Variants in NRXN3 observed in about 807,000 individuals in gnomAD.
The protein encoded by NRXN3 is neurexin 3, also known as neurexin III.
In NRXN3, 32 loss-of-function variants were observed where a neutral mutation model predicts 137.6. The observed-to-expected ratio is 0.23, with a 90% CI of 0.18 to 0.31. The LOEUF (loss-of-function observed/expected upper bound fraction) is 0.31. NRXN3 is among the 10% of genes least tolerant of loss of function. The pLI is 1.00. For missense variants in NRXN3, 1,574 were observed against 2,062.5 expected (o/e 0.76, Z 4.59); for synonymous variants, 798 against 784.5 (o/e 1.02, Z -0.29).
chr14:79,628,883 C>A (rs149923100), intron 16 of NRXN3, among the ~76,000 whole-genome samples: 37 of 152,232 alleles, frequency 2.4e-4, no homozygotes, highest in African/African-American at 8.4e-4. Flanking sequence ...TAGAATGAGT[C>A]CCCCAACACT....
rs945654919 is a variant in NRXN3, at chr14:79,385,208, C to CG, written c.3263-82013_3263-82012insG. Among the ~76,000 whole-genome samples the CG allele has an allele frequency of 2.1e-5, 2 of 94,386 alleles. 1 individual carries two copies. Among genetic ancestry groups the CG allele is most frequent in the Non-Finnish European group, 5.0e-5 (2 of 40,260 alleles). 61.9% of individuals were successfully genotyped at this position (94,386 alleles called of 152,430 possible). A position where few individuals can be genotyped will look rare whatever the true frequency, so the allele number is the denominator to read the frequency against. ...TATATCTCCCAATGCTATCCTTCCC[C>CG]CCGCCCCCACCCCACCACAGTCCCC... is the stretch of plus-strand genomic sequence containing the variant. On this transcript the variant is annotated intron_variant, in intron 15 of 20. Coordinates refer to ENST00000335750, the MANE Select transcript of NRXN3 (RefSeq NM_001330195.2).
rs79575935 is a variant in NRXN3 at position 78,212,375 on chromosome 14, A to T, written c.-703-30016A>T. ...AAATCTTGCCCCCACCCTTAAATGA[A>T]ATTAATGGCTTGAGGCTTCCTCAAA... On this transcript the variant is annotated intron_variant, in intron 1 of 20. Coordinates refer to ENST00000335750, the MANE Select transcript of NRXN3 (RefSeq NM_001330195.2). 7.6e-4 allele frequency among the ~76,000 whole-genome samples: 115 copies of T among 152,028 alleles called. No homozygotes were observed. The East Asian group carries it at 0.018, about 24-fold the overall frequency.
At chr14:78,640,756 T>C (rs894997739) in intron 4 of NRXN3, among the ~76,000 whole-genome samples, 1 of 152,236 alleles carries the variant, frequency 6.6e-6, no homozygotes, top group African/African-American at 2.4e-5. Flanking sequence ...GTTTAATCAA[T>C]TGGACACTTA....
At chr14:79,163,843 T>A (rs1436082306) in intron 15 of NRXN3, among the ~76,000 whole-genome samples, 2 of 151,954 alleles carry the variant, frequency 1.3e-5, no homozygotes, top group Non-Finnish European at 2.9e-5. Context: ...TCCCATGTTA[T>A]TTATAGTACT....
intron 4 of NRXN3, among the ~76,000 whole-genome samples, chr14:78,352,799 C>T (rs2083727938): frequency 1.3e-5 from 2 of 152,226 alleles, no homozygotes; most frequent in Admixed American, 1.3e-4. Flanking sequence ...ATCAGCTGGG[C>T]AGGCCCTTGA....
Position 79,209,677 on chromosome 14 carries a change from T to A in NRXN3, c.3262+221536T>A, listed in dbSNP as rs538180914. Among the ~76,000 whole-genome samples the A allele has an allele frequency of 2.6e-5, 4 of 152,340 alleles. No homozygotes were observed. In the East Asian group the frequency reaches 7.7e-4, roughly 29 times the overall value. ...TATTGCTTGTCTCCCCATTATAACGTATGCTTCTGGGAGTCAGGAGCTCTT... is the reference window on the plus strand; with the variant it reads ...TATTGCTTGTCTCCCCATTATAACGAATGCTTCTGGGAGTCAGGAGCTCTT... On this transcript the variant is annotated intron_variant, in intron 15 of 20. Transcript: ENST00000335750.
chr14:78,291,836 A>C (rs1271249528), intron 3 of NRXN3, among the ~76,000 whole-genome samples: 4 of 152,252 alleles, frequency 2.6e-5, no homozygotes, highest in Admixed American at 2.6e-4. Flanking sequence ...TTTTTCACTG[A>C]GATAAAAGTT....
At chr14:78,313,376 A>C (rs2078198090) in intron 4 of NRXN3, among the ~76,000 whole-genome samples, 1 of 152,126 alleles carries the variant, frequency 6.6e-6, no homozygotes, top group South Asian at 2.1e-4. Context: ...CTTGCTTGAC[A>C]GTTTGTTTTG....
chr14:78,230,057 C>T (rs1463036134), intron 1 of NRXN3, among the ~76,000 whole-genome samples: 2 of 152,082 alleles, frequency 1.3e-5, no homozygotes. Flanking sequence ...CAGGGTTTCC[C>T]TCTGTCACCC....
chr14:79,630,916 T>A (rs1447342606), intron 16 of NRXN3, among the ~76,000 whole-genome samples: 1 of 152,222 alleles, frequency 6.6e-6, no homozygotes, highest in Non-Finnish European at 1.5e-5. Context: ...AGAGAGTAAG[T>A]TCTTGTTTGG....
chr14:78,295,138 T>G (rs1018538278), intron 3 of NRXN3, among the ~76,000 whole-genome samples: 2 of 152,220 alleles, frequency 1.3e-5, no homozygotes, highest in African/African-American at 4.8e-5. Context: ...CAAGAAAATG[T>G]ACTGATGTAA....
chr14:78,508,861 A>C (rs2096051023), intron 4 of NRXN3, among the ~76,000 whole-genome samples: 1 of 152,220 alleles, frequency 6.6e-6, no homozygotes, highest in South Asian at 2.1e-4. Flanking sequence ...CCACAATAAA[A>C]AAATAGATTT....
At chr14:79,619,561 T>C (rs771274491) in intron 16 of NRXN3, among the ~76,000 whole-genome samples, 5 of 152,072 alleles carry the variant, frequency 3.3e-5, no homozygotes, top group Admixed American at 6.5e-5. Context: ...ATTGTACCTA[T>C]ATTAAACACT....
intron 4 of NRXN3, among the ~76,000 whole-genome samples, chr14:78,492,752 C>A (rs568335739): frequency 2.0e-5 from 3 of 152,114 alleles, no homozygotes; most frequent in Admixed American, 2.0e-4. Context: ...AAAACTCTGA[C>A]GTGGTGTTAG....
intron 10 of NRXN3, among the ~76,000 whole-genome samples, chr14:78,848,915 T>G (rs1356281787): frequency 6.6e-6 from 1 of 152,010 alleles, no homozygotes; most frequent in African/African-American, 2.4e-5. Context: ...GAAATGAAAG[T>G]GAACGTTTGA....
At chr14:78,926,796 TTATATA>T (rs1386856333) in intron 10 of NRXN3, among the ~76,000 whole-genome samples, 3 of 54,594 alleles carry the variant, frequency 5.5e-5, no homozygotes, top group African/African-American at 8.5e-5. Context: ...ATATTATATA[TTATATA>T]TTTATATATA....
chr14:79,221,929 A>T (rs1294730334), intron 15 of NRXN3, among the ~76,000 whole-genome samples: 6 of 152,170 alleles, frequency 3.9e-5, no homozygotes, highest in Non-Finnish European at 8.8e-5. Flanking sequence ...TAATTTTTGT[A>T]TAAGGTGTAA....
chr14:79,435,638 T>A (rs903576780), intron 15 of NRXN3, among the ~76,000 whole-genome samples: 1 of 121,490 alleles, frequency 8.2e-6, no homozygotes, highest in African/African-American at 3.1e-5. Flanking sequence ...ACATACATTC[T>A]TTGTTTGTTT....
At position 78,398,604 on chromosome 14, in the gene NRXN3, G is replaced by C. The variant is rs1055901986; in HGVS notation, c.757+100744G>C. 4.6e-5 allele frequency among the ~76,000 whole-genome samples: 7 copies of C among 152,130 alleles called. No individual in the cohort carries two copies. The East Asian group carries it at 1.2e-3, about 25-fold the overall frequency. On this transcript the variant is annotated intron_variant, in intron 4 of 20. Coordinates refer to ENST00000335750, the MANE Select transcript of NRXN3 (RefSeq NM_001330195.2). Reference sequence around the variant, plus strand: ...GATACCTCCCTATCTAAGAGTGAAAGAAATGCCTTGTTACTATTCCCCATG... The same window carrying C: ...GATACCTCCCTATCTAAGAGTGAAACAAATGCCTTGTTACTATTCCCCATG...
Sources: gnomAD v4.1 joint callset for allele counts (sites outside exome capture counted in the v4.1 genomes callset) on GRCh38, gnomAD v4.1.1 for gene constraint, MANE v1.5 for transcripts, NCBI Gene and HGNC (gene_info 2026-07-23, HGNC 2026-07-21) for gene names.